P2RX5: variants seen among roughly 807,000 people sequenced by gnomAD.
P2RX5 encodes purinergic receptor P2X 5, also known as P2X purinoceptor 5.
In P2RX5, 46 loss-of-function variants were observed where a neutral mutation model predicts 54.1. That is an observed-to-expected ratio of 0.85 (90% CI 0.67 to 1.09). The LOEUF (loss-of-function observed/expected upper bound fraction) is 1.09. Among genes scored for constraint, P2RX5 ranks in the 50% least tolerant of loss-of-function variants. The pLI, the probability that P2RX5 is intolerant of heterozygous loss-of-function variation, is 0.00. For missense variants in P2RX5, 566 were observed against 549.8 expected, an observed-to-expected ratio of 1.03 and a Z score of -0.29; for synonymous variants, 226 against 226.4, an observed-to-expected ratio of 1.00 and a Z score of 0.02.
intron 11 of P2RX5, chr17:3,678,188 G>T (rs377475981): frequency 4.9e-6 from 4 of 815,996 alleles, no homozygotes; most frequent in Non-Finnish European, 4.4e-6. Context: ...GTCGGGAGCC[G>T]GTGGGTGGGC....
At chr17:3,696,354 A>G, upstream of P2RX5, 1 of 184,140 alleles carries the variant, frequency 5.4e-6, no homozygotes. Context: ...AGCCCCCCGG[A>G]TGCGCAGGAC....
the P2RX5 span, among the ~76,000 whole-genome samples, chr17:3,708,374 A>G: frequency 0.47 from 70,974 of 151,636 alleles, 17,494 homozygotes; most frequent in East Asian, 0.65. Flanking sequence ...CCCCAGAAGC[A>G]GGGAGCAGCT....
chr17:3,715,268 C>T, the P2RX5 span, among the ~76,000 whole-genome samples: 1 of 152,078 alleles, frequency 6.6e-6, no homozygotes, highest in Admixed American at 6.6e-5. Flanking sequence ...CTCAGTATAG[C>T]CTATGATGCT....
At chr17:3,682,350 C>G (rs181122169) in intron 9 of P2RX5, 5 of 359,986 alleles carry the variant, frequency 1.4e-5, no homozygotes, top group Non-Finnish European at 2.7e-5. Flanking sequence ...CCCTCTGGTG[C>G]AGGAGACAGG....
At chr17:3,713,151 G>C in the P2RX5 span, among the ~76,000 whole-genome samples, 1 of 152,280 alleles carries the variant, frequency 6.6e-6, no homozygotes, top group East Asian at 1.9e-4. Flanking sequence ...GAAGCCAGGA[G>C]TTTGAAATCA....
chr17:3,675,698 T>G, intron 11 of P2RX5: 1 of 588,050 alleles, frequency 1.7e-6, no homozygotes, highest in African/African-American at 2.0e-5. Flanking sequence ...ACTACAGGCA[T>G]GTGGACACCA....
the P2RX5 span, among the ~76,000 whole-genome samples, chr17:3,704,279 G>T: frequency 6.6e-6 from 1 of 152,138 alleles, no homozygotes; most frequent in Admixed American, 6.6e-5. Flanking sequence ...GGCACAGAAG[G>T]TCATTCCGCG....
At chr17:3,713,937 A>G in the P2RX5 span, among the ~76,000 whole-genome samples, 1 of 105,060 alleles carries the variant, frequency 9.5e-6, no homozygotes. Context: ...TACAATCGAT[A>G]ATTTTTTTTT....
chr17:3,674,950 C>T (rs1258393988), intron 11 of P2RX5, among the ~76,000 whole-genome samples: 2 of 152,246 alleles, frequency 1.3e-5, no homozygotes, highest in Non-Finnish European at 2.9e-5. Flanking sequence ...TGTTGCTCAT[C>T]TCTGTCTCAG....
chr17:3,676,632 C>G, intron 11 of P2RX5: 1 of 982,382 alleles, frequency 1.0e-6, no homozygotes, highest in Non-Finnish European at 1.2e-6. Context: ...CCCCTGAGAA[C>G]CAGGGCTTCT....
At chr17:3,677,984 A>T in intron 11 of P2RX5, 1 of 985,384 alleles carries the variant, frequency 1.0e-6, no homozygotes, top group Middle Eastern at 5.2e-4. Flanking sequence ...CCCCTGTCTC[A>T]TGCAGGCACA....
chr17:3,688,608 G>A lies in P2RX5; in HGVS notation c.887+18C>T. The A allele has an allele frequency of 6.2e-7, 1 of 1,613,856 alleles. No individual in the cohort carries two copies. The highest frequency in any genetic ancestry group is 8.5e-7 in the Non-Finnish European group (1 of 1,179,804). ...CTGATCATGGTCAGGTCACAAGTGG[G>A]CACAAGGCAGCGGTTACCTGAAGTT... On this transcript the variant is annotated intron_variant, in intron 8 of 11. Transcript: ENST00000225328.
chr17:3,692,402 C>T (rs953323878), intron 1 of P2RX5, among the ~76,000 whole-genome samples: 20 of 152,332 alleles, frequency 1.3e-4, no homozygotes, highest in African/African-American at 4.8e-4. Context: ...GCTGAAGCCA[C>T]ATACTGGTTT....
At chr17:3,713,280 A>G in the P2RX5 span, among the ~76,000 whole-genome samples, 1 of 151,980 alleles carries the variant, frequency 6.6e-6, no homozygotes, top group South Asian at 2.1e-4. Flanking sequence ...GGACGGCTTG[A>G]ACCCAAAAGT....
intron 6 of P2RX5, 34 bp downstream of exon 6, chr17:3,690,036 C>T (rs749548769): frequency 6.3e-7 from 1 of 1,595,620 alleles, no homozygotes; most frequent in South Asian, 1.1e-5. Flanking sequence ...CGACCAAGGC[C>T]CACCCGTGGC....
chr17:3,678,138 T>A, intron 11 of P2RX5: 1 of 984,028 alleles, frequency 1.0e-6, no homozygotes, highest in Non-Finnish European at 1.2e-6. Context: ...TGGCCAGACC[T>A]GTGTGTGGGC....
chr17:3,711,370 C>CTTTTTTT, the P2RX5 span, among the ~76,000 whole-genome samples: 1,454 of 63,078 alleles, frequency 0.023, 443 homozygotes, highest in African/African-American at 0.1. Context: ...AGCACTCATT[C>CTTTTTTT]TTTTTTTTTT....
intron 1 of P2RX5, among the ~76,000 whole-genome samples, chr17:3,692,461 G>A (rs1433633947): frequency 3.9e-5 from 6 of 152,154 alleles, no homozygotes; most frequent in Admixed American, 1.3e-4. Context: ...GGGTGACAGC[G>A]CCTCCCTCTG....
At chr17:3,676,481 T>C in intron 11 of P2RX5, 1 of 984,088 alleles carries the variant, frequency 1.0e-6, no homozygotes, top group African/African-American at 1.8e-5. Flanking sequence ...ATGTAAGTAT[T>C]ACCCAGTCAA....
Sources: gnomAD v4.1 joint callset for allele counts (sites outside exome capture counted in the v4.1 genomes callset) on GRCh38, gnomAD v4.1.1 for gene constraint, MANE v1.5 for transcripts, NCBI Gene and HGNC (gene_info 2026-07-23, HGNC 2026-07-21) for gene names.